Variants in TSFM observed in about 807,000 individuals in gnomAD.
TSFM encodes elongation factor Ts, mitochondrial.
In TSFM, 29 loss-of-function variants were observed where a neutral mutation model predicts 33.4. The observed-to-expected ratio is 0.87, with a 90% CI of 0.65 to 1.18. The LOEUF (loss-of-function observed/expected upper bound fraction) is 1.18, where lower values mean the gene tolerates loss of function less well. TSFM is among the 50% of genes most tolerant of loss of function. The probability of loss-of-function intolerance (pLI) is 0.00; values close to 1 mark genes in which losing one functional copy is unlikely to be tolerated. For synonymous variants in TSFM, 178 were observed against 163.5 expected, an observed-to-expected ratio of 1.09 and a Z score of -0.68; for missense variants, 394 against 395.6, an observed-to-expected ratio of 1.00 and a Z score of 0.04.
rs576580155 is a variant in TSFM, at chr12:57,796,952, G to A, written c.*369G>A. 3 of 989,882 alleles carry A rather than the reference G, an allele frequency of 3.0e-6. No individual in the cohort carries two copies. Among genetic ancestry groups the A allele is most frequent in the South Asian group, 4.7e-5 (1 of 21,326 alleles). 61.3% of individuals were successfully genotyped at this position (989,882 alleles called of 1,614,324 possible). ...TTTTTGCTTTGCGACACTGTGAACC[G>A]TGCTTCTGCCTCGGAACCTCCCTAG... On this transcript the variant is annotated 3_prime_UTR_variant, in exon 6 of 6. Transcript: ENST00000652027.
chr12:57,802,024 G>T, downstream of TSFM: 5 of 992,512 alleles, frequency 5.0e-6, no homozygotes, highest in Non-Finnish European at 5.8e-6. Flanking sequence ...AAAGTAAAAG[G>T]CAGGGAGTGG....
chr12:57,802,231 T>C (rs765991155), downstream of TSFM: 9 of 1,614,142 alleles, frequency 5.6e-6, no homozygotes, highest in Non-Finnish European at 7.6e-6. Context: ...TGCTTAATGA[T>C]CAGGATTGGT....
In TSFM at chr12:57,782,827, T is replaced by A. The variant is rs1412270363; in HGVS notation, c.26T>A (p.Val9Glu). Residue 9 changes from valine (V) to glutamate (E), a missense_variant, in exon 1 of 6, where the codon GTG becomes GAG. Val to Glu is a moderately radical substitution (Grantham distance 121). This residue lies in a region of TSFM where 208 missense variants were observed against 180.4 expected (regional missense o/e 1.15). Coordinates refer to ENST00000652027, the MANE Select transcript of TSFM (RefSeq NM_005726.6). MSLLRSLRVFLVARTGSYP... is the reference protein window; with the variant it reads MSLLRSLREFLVARTGSYP... ...ATGTCGCTGCTGCGGTCGCTGCGCG[T>A]GTTTCTGGTCGCGCGGACCGGGAGC... The A allele has an allele frequency of 1.3e-6, 2 of 1,596,408 alleles. No individual in the cohort carries two copies. Among genetic ancestry groups the A allele is most frequent in the Non-Finnish European group, 8.5e-7 (1 of 1,172,354 alleles).
In TSFM at chr12:57,796,466, G is replaced by A. The variant is rs775672491; in HGVS notation, c.861G>A (p.Pro287=). The change falls in exon 6 of 6, where the codon CCG becomes CCA. Residue 287 remains proline (P), a synonymous_variant. Transcript: ENST00000652027. ...CAGAGACTAAGATGCTGTCCCAGCC[G>A]TATTTGCTGGATCCCTCCATTACCT... ...GEAETKMLSQ[P]YLLDPSITLG... 10 of 1,592,704 alleles carry A rather than the reference G, an allele frequency of 6.3e-6. No homozygotes were observed. Among genetic ancestry groups the A allele is most frequent in the South Asian group, 2.3e-5 (2 of 87,728 alleles).
intron 5 of TSFM, among the ~76,000 whole-genome samples, chr12:57,793,313 C>T (rs1388220337): frequency 1.3e-5 from 2 of 152,074 alleles, no homozygotes; most frequent in African/African-American, 4.8e-5. Context: ...CTGCAAGCTC[C>T]GCCTCCCAGG....
chr12:57,784,239 C>T (rs1373035035), intron 2 of TSFM: 22 of 661,590 alleles, frequency 3.3e-5, no homozygotes, highest in Non-Finnish European at 8.2e-6. Flanking sequence ...AACGATACAT[C>T]TCCATAGGGA....
chr12:57,797,551 A>G lies in TSFM; in HGVS notation c.*968A>G. 1.1e-6 allele frequency: 1 copy of G among 918,460 alleles called. No homozygotes were observed. Among genetic ancestry groups the G allele is most frequent in the African/African-American group, 1.8e-5 (1 of 55,940 alleles). 56.9% of individuals were successfully genotyped at this position (918,460 alleles called of 1,614,324 possible). ...AAACAAAGGTAGGTCCTGGTATAAT[A>G]TTAAACATAAAGTTATTAAACATTT... On this transcript the variant is annotated 3_prime_UTR_variant, in exon 6 of 6. Transcript: ENST00000652027.
At chr12:57,792,961 A>G (rs1185272711) in intron 4 of TSFM, 25 bp from the exon 5 acceptor site, 4 of 1,604,974 alleles carry the variant, frequency 2.5e-6, no homozygotes, top group East Asian at 2.2e-5. Context: ...GAATCAGTTC[A>G]TGTTTGTTTT....
At chr12:57,791,045 C>T (rs1242914893) in intron 4 of TSFM, among the ~76,000 whole-genome samples, 1 of 149,840 alleles carries the variant, frequency 6.7e-6, no homozygotes, top group African/African-American at 2.5e-5. Flanking sequence ...GTTTCACTCT[C>T]ATTAGCCAGG....
intron 5 of TSFM, among the ~76,000 whole-genome samples, chr12:57,795,434 C>T (rs1955721308): frequency 6.6e-6 from 1 of 151,868 alleles, no homozygotes; most frequent in South Asian, 2.1e-4. Flanking sequence ...TCCCCAAAAC[C>T]CTGAAAGGTA....
At chr12:57,799,920 C>T (rs1464262396), downstream of TSFM, 1 of 1,614,066 alleles carries the variant, frequency 6.2e-7, no homozygotes. Flanking sequence ...TTCTTCATGT[C>T]CTAGGTAAGA....
chr12:57,792,597 CTT>C (rs879935902), intron 4 of TSFM, among the ~76,000 whole-genome samples: 2 of 145,052 alleles, frequency 1.4e-5, no homozygotes, highest in Non-Finnish European at 1.5e-5. Context: ...TTCTTTCTTT[CTT>C]TTTTTTTTTT....
At chr12:57,799,718 T>C, downstream of TSFM, 1 of 1,597,488 alleles carries the variant, frequency 6.3e-7, no homozygotes, top group South Asian at 1.1e-5. Flanking sequence ...GGAGCTGTCC[T>C]AGGCCATTTG....
At chr12:57,796,021 A>T (rs1248669005) in intron 5 of TSFM, among the ~76,000 whole-genome samples, 156 bp from the exon 6 acceptor site, 1 of 152,044 alleles carries the variant, frequency 6.6e-6, no homozygotes, top group African/African-American at 2.4e-5. Flanking sequence ...TCCTCTTTCT[A>T]CAAAAACTGA....
At position 57,787,096 on chromosome 12, in the gene TSFM, G is replaced by C; in HGVS notation, c.417G>C (p.Gln139His). 1 of 1,611,372 alleles carries C rather than the reference G, an allele frequency of 6.2e-7. No homozygotes were observed. The change falls in exon 4 of 6, where the codon CAG (glutamine) becomes CAC (histidine). Residue 139 changes from glutamine to histidine, a missense_variant. By Grantham distance (24) the Gln-to-His change is conservative. This residue lies in a region of TSFM where 208 missense variants were observed against 180.4 expected (regional missense o/e 1.15). Transcript: ENST00000652027. ...ATTTAAAATTTCAACTGTTGGTCCA[G>C]CAAGTAGCCCTTGGAACCATGATGC... ...SRNLKFQLLV[Q>H]QVALGTMMHC...
intron 4 of TSFM, among the ~76,000 whole-genome samples, chr12:57,791,611 C>T (rs1017489767): frequency 6.6e-6 from 1 of 152,208 alleles, no homozygotes; most frequent in Non-Finnish European, 1.5e-5. Context: ...TGGAAATACT[C>T]CATAGCAATT....
chr12:57,798,991 C>T (rs894777248), downstream of TSFM, among the ~76,000 whole-genome samples: 13 of 152,292 alleles, frequency 8.5e-5, no homozygotes, highest in African/African-American at 2.9e-4. Context: ...CTGCTAGGCA[C>T]TGTTGTAGGT....
intron 2 of TSFM, chr12:57,784,120 C>G (rs1565820320): frequency 1.4e-6 from 1 of 702,590 alleles, no homozygotes; most frequent in Non-Finnish European, 2.6e-6. Context: ...AGGCTACAAA[C>G]CGTTACAAAA....
At position 57,796,138 on chromosome 12, in the gene TSFM, A is replaced by G. The variant is rs781430474; in HGVS notation, c.572-39A>G. On this transcript the variant is annotated intron_variant, in intron 5 of 5. Coordinates refer to ENST00000652027, the MANE Select transcript of TSFM (RefSeq NM_005726.6). ...TTTTGGTACCATCACAGACATCACAATTTGTTGGTGTGTTGGTTTTTTGTT... is the reference window on the plus strand; with the variant it reads ...TTTTGGTACCATCACAGACATCACAGTTTGTTGGTGTGTTGGTTTTTTGTT... The G allele has an allele frequency of 9.8e-6, 15 of 1,534,266 alleles. No homozygotes were observed. In the South Asian group the frequency reaches 1.3e-4, roughly 13 times the overall value.
Sources: allele counts gnomAD v4.1 joint callset (sites outside exome capture counted in the v4.1 genomes callset), GRCh38; gene constraint gnomAD v4.1.1; regional missense constraint gnomAD v4.1.1; transcripts MANE v1.5; gene names NCBI Gene and HGNC (gene_info 2026-07-23, HGNC 2026-07-21).